MLXIP: variants seen among roughly 807,000 people sequenced by gnomAD.
The protein encoded by MLXIP is MLX-interacting protein.
Under a neutral mutation model 87.2 loss-of-function variants are expected in MLXIP, and 30 were observed. That is an observed-to-expected ratio of 0.34 (90% CI 0.26 to 0.47). The LOEUF is 0.47. Among genes scored for constraint, MLXIP ranks in the 20% least tolerant of loss-of-function variants. The probability of loss-of-function intolerance (pLI) is 1.00; values close to 1 mark genes in which losing one functional copy is unlikely to be tolerated. For synonymous variants in MLXIP, 530 were observed against 514.0 expected (o/e 1.03, Z -0.42); for missense variants, 1,002 against 1,240.1 (o/e 0.81, Z 2.88).
At chr12:122,117,816 C>T (rs967449556) in intron 1 of MLXIP, among the ~76,000 whole-genome samples, 4 of 152,078 alleles carry the variant, frequency 2.6e-5, no homozygotes, top group African/African-American at 9.7e-5. Context: ...TGTGATAAAG[C>T]TTAATTTATA....
intron 1 of MLXIP, among the ~76,000 whole-genome samples, chr12:122,099,306 A>G (rs1952401378): frequency 6.6e-6 from 1 of 152,230 alleles, no homozygotes; most frequent in Non-Finnish European, 1.5e-5. Context: ...AAACTATTGC[A>G]AAGCAGATTG....
intron 1 of MLXIP, among the ~76,000 whole-genome samples, chr12:122,101,314 T>G (rs1345602704): frequency 6.6e-6 from 1 of 151,752 alleles, no homozygotes; most frequent in Non-Finnish European, 1.5e-5. Flanking sequence ...AGTTACACCC[T>G]GTTGTTTTGT....
At chr12:122,115,906 G>A (rs1340894302) in intron 1 of MLXIP, among the ~76,000 whole-genome samples, 1 of 152,028 alleles carries the variant, frequency 6.6e-6, no homozygotes, top group African/African-American at 2.4e-5. Context: ...ACAAAAATTA[G>A]CCAGGCATGA....
At chr12:122,096,880 C>T (rs1183847423) in intron 1 of MLXIP, among the ~76,000 whole-genome samples, 1 of 152,164 alleles carries the variant, frequency 6.6e-6, no homozygotes, top group Non-Finnish European at 1.5e-5. Flanking sequence ...CCCCAGCTGG[C>T]GTGAGCTCTC....
chr12:122,122,919 G>A (rs1442089296), intron 1 of MLXIP, among the ~76,000 whole-genome samples: 1 of 149,040 alleles, frequency 6.7e-6, no homozygotes, highest in Non-Finnish European at 1.5e-5. Context: ...TCTGGAACTC[G>A]TGAGCTCAAG....
rs538440843 is a variant in MLXIP, at chr12:122,141,737, C to G, written c.2685C>G (p.Leu895=). The change falls in exon 17 of 17, where the codon CTC becomes CTG. Residue 895 remains leucine, a synonymous_variant. Transcript: ENST00000319080. ...AGCTGAGCACCTCCACCTCCATCCT[C>G]ACAGACCCGGCACAGCTGCCAGAGC... The part of the protein sequence containing the change: ...LRQLSTSTSI[L]TDPAQLPEQA... 6.2e-7 allele frequency: 1 copy of G among 1,613,892 alleles called. No individual in the cohort carries two copies. Among genetic ancestry groups the G allele is most frequent in the East Asian group, 2.2e-5 (1 of 44,890 alleles).
At chr12:122,086,756 C>G (rs1287529607) in intron 1 of MLXIP, among the ~76,000 whole-genome samples, 1 of 152,158 alleles carries the variant, frequency 6.6e-6, no homozygotes, top group East Asian at 1.9e-4. Flanking sequence ...CATGCTAATT[C>G]CAGGACTTCG....
At chr12:122,088,984 C>T (rs1192205094) in intron 1 of MLXIP, among the ~76,000 whole-genome samples, 1 of 103,898 alleles carries the variant, frequency 9.6e-6, no homozygotes, top group South Asian at 3.4e-4. Flanking sequence ...CCAGCCTGGT[C>T]AATGTAGTGA....
In MLXIP at chr12:122,079,029, C is replaced by T. The variant is rs1448662209; in HGVS notation, c.176C>T (p.Pro59Leu). 5.9e-6 allele frequency: 8 copies of T among 1,364,806 alleles called. No individual in the cohort carries two copies. The East Asian group carries it at 2.0e-4, about 35-fold the overall frequency. 84.5% of individuals were successfully genotyped at this position (1,364,806 alleles called of 1,614,324 possible). A position where few individuals can be genotyped will look rare whatever the true frequency, so the allele number is the denominator to read the frequency against. ...CGGGCCCACGCGAGCGCCGCGCCAC[C>T]GCCGCCTCGGGCCGGGCCGGGCCGC... ...PARAHASAAP[P>L]PPRAGPGREE... is the part of the protein sequence containing the mutation. Residue 59 changes from proline (P) to leucine (L), a missense_variant, in exon 1 of 17, where the codon CCG becomes CTG. Transcript: ENST00000319080.
At chr12:122,095,959 G>A (rs1051629880) in intron 1 of MLXIP, among the ~76,000 whole-genome samples, 74,821 of 151,858 alleles carry the variant, frequency 0.49, 18,965 homozygotes, top group Admixed American at 0.57. Flanking sequence ...CCGCCTCCCT[G>A]GTTCAAGTGA....
chr12:122,101,666 C>A (rs1422043681), intron 1 of MLXIP, among the ~76,000 whole-genome samples: 2 of 149,286 alleles, frequency 1.3e-5, no homozygotes, highest in Non-Finnish European at 3.0e-5. Flanking sequence ...CTGCAAGCTC[C>A]GCCTCCCAGG....
chr12:122,126,333 CACT>C (rs1952880614), intron 1 of MLXIP, among the ~76,000 whole-genome samples: 1 of 152,214 alleles, frequency 6.6e-6, no homozygotes, highest in African/African-American at 2.4e-5. Context: ...TGTGTGCAGA[CACT>C]ACTACATAAG....
In MLXIP at chr12:122,129,991, C is replaced by T. The variant is rs774541902; in HGVS notation, c.789C>T (p.Pro263=). ...AGCACGGGGATGGATGGAAGACCCC[C>T]GTCCCCATGGAGGAGGATCCCCTGC... ...WHKHGDGWKT[P]VPMEEDPLLD... is the part of the protein sequence containing the mutation. Residue 263 remains proline (P), a synonymous_variant, in exon 6 of 17, where the codon CCC becomes CCT. Coordinates refer to ENST00000319080, the MANE Select transcript of MLXIP (RefSeq NM_014938.6). 34 of 1,613,892 alleles carry T rather than the reference C, an allele frequency of 2.1e-5. No individual in the cohort carries two copies. Among genetic ancestry groups the T allele is most frequent in the Admixed American group, 8.3e-5 (5 of 59,990 alleles).
rs1190963066 is a variant in MLXIP at position 122,142,293 on chromosome 12, G to C, written c.*481G>C. The C allele has an allele frequency of 2.9e-6, 2 of 686,078 alleles. No homozygotes were observed. Among genetic ancestry groups the C allele is most frequent in the Non-Finnish European group, 2.7e-6 (1 of 374,662 alleles). The allele number at this position is 686,078 out of a possible 1,614,324, so 42.5% of individuals were successfully genotyped here. On this transcript the variant is annotated 3_prime_UTR_variant, in exon 17 of 17. Transcript: ENST00000319080. ...GGTCTGCCCGTGGGGCAGTTGGAAG[G>C]CGTCTTTCTTTCTCCCCTCAACTCT...
At chr12:122,113,239 C>CAT (rs1441111536) in intron 1 of MLXIP, among the ~76,000 whole-genome samples, 2 of 152,108 alleles carry the variant, frequency 1.3e-5, no homozygotes, top group Admixed American at 6.5e-5. Context: ...TTATGTTATT[C>CAT]ATATATATAT....
In MLXIP at chr12:122,127,326, C is replaced by A; in HGVS notation, c.484C>A (p.Leu162Ile). The A allele has an allele frequency of 6.2e-7, 1 of 1,613,390 alleles. No individual in the cohort carries two copies. The highest frequency in any genetic ancestry group is 8.5e-7 in the Non-Finnish European group (1 of 1,179,666). Residue 162 changes from leucine (L) to isoleucine (I), a missense_variant, in exon 2 of 17, where the codon CTC (leucine) becomes ATC (isoleucine). By Grantham distance (5) the Leu-to-Ile change is conservative. Coordinates refer to ENST00000319080, the MANE Select transcript of MLXIP (RefSeq NM_014938.6). ...GCTACAGTGGAGAGACAAGATCCGGCTCAATAATGCCATCTGGCGGGCCTG... is the reference window on the plus strand; with the variant it reads ...GCTACAGTGGAGAGACAAGATCCGGATCAATAATGCCATCTGGCGGGCCTG... ...LKLQWRDKIR[L>I]NNAIWRAWYM...
At chr12:122,128,375 G>T (rs1952916259) in intron 3 of MLXIP, 1 of 169,532 alleles carries the variant, frequency 5.9e-6, no homozygotes, top group Non-Finnish European at 1.3e-5. Context: ...CTTCTGTGTG[G>T]CTTTAATTTT....
rs1177395684 is a variant in MLXIP at position 122,146,836 on chromosome 12, G to A, written c.*5024G>A. On this transcript the variant is annotated 3_prime_UTR_variant, in exon 17 of 17. Coordinates refer to ENST00000319080, the MANE Select transcript of MLXIP (RefSeq NM_014938.6). ...GTCTCAAGAGTTGAGGTTGTGGAGG[G>A]TTGGGAGAAACTGAAGTTCTATACA... The A allele has an allele frequency of 1.3e-5, 2 of 152,172 alleles. No homozygotes were observed. The highest frequency in any genetic ancestry group is 2.9e-5 in the Non-Finnish European group (2 of 68,048). 9.4% of individuals were successfully genotyped at this position (152,172 alleles called of 1,614,324 possible).
At chr12:122,141,551 G>A in intron 16 of MLXIP, 140 bp from the exon 17 acceptor site, 1 of 1,359,390 alleles carries the variant, frequency 7.4e-7, no homozygotes, top group Non-Finnish European at 9.7e-7. Flanking sequence ...TCGGCCCCTG[G>A]CACTCCTCCC....
Sources: allele counts gnomAD v4.1 joint callset (sites outside exome capture counted in the v4.1 genomes callset), GRCh38; gene constraint gnomAD v4.1.1; transcripts MANE v1.5; gene names NCBI Gene and HGNC (gene_info 2026-07-23, HGNC 2026-07-21).